Variants in GMDS observed in about 807,000 individuals in gnomAD.
GMDS encodes the protein GDP-mannose 4,6 dehydratase.
In GMDS, 20 loss-of-function variants were observed where a neutral mutation model predicts 49.9. The ratio of observed to expected loss-of-function variants is 0.40; its 90% CI spans 0.28 to 0.58. The LOEUF (loss-of-function observed/expected upper bound fraction) is 0.58, where lower values mean the gene tolerates loss of function less well. Ranked by LOEUF, GMDS falls within the 20% of genes least tolerant of loss-of-function variation. The pLI, the probability that GMDS is intolerant of heterozygous loss-of-function variation, is 0.42. For synonymous variants in GMDS, 177 were observed against 178.6 expected (o/e 0.99, Z 0.07); for missense variants, 362 against 481.4 (o/e 0.75, Z 2.32).
At chr6:2,119,647 T>TG (rs1287951896) in intron 2 of GMDS, among the ~76,000 whole-genome samples, 1 of 152,192 alleles carries the variant, frequency 6.6e-6, no homozygotes, top group African/African-American at 2.4e-5. Context: ...AGGTAGAGCT[T>TG]TTTGTTTGTT....
chr6:1,851,559 C>A (rs1193713418), intron 7 of GMDS, among the ~76,000 whole-genome samples: 1 of 152,048 alleles, frequency 6.6e-6, no homozygotes, highest in Admixed American at 6.5e-5. Flanking sequence ...AGACCCCATA[C>A]TGGACAGCAG....
intron 7 of GMDS, among the ~76,000 whole-genome samples, chr6:1,903,252 T>C (rs1021866585): frequency 6.6e-6 from 1 of 152,228 alleles, no homozygotes; most frequent in Non-Finnish European, 1.5e-5. Context: ...AGTCATATAA[T>C]ATGATCACGA....
intron 1 of GMDS, among the ~76,000 whole-genome samples, chr6:2,129,284 C>T (rs1340915190): frequency 6.6e-6 from 1 of 152,128 alleles, no homozygotes; most frequent in African/African-American, 2.4e-5. Context: ...CACCCCATCC[C>T]AACACCTATG....
At chr6:1,863,650 T>G (rs1224447534) in intron 7 of GMDS, among the ~76,000 whole-genome samples, 2 of 152,124 alleles carry the variant, frequency 1.3e-5, no homozygotes, top group African/African-American at 4.8e-5. Context: ...CAAATGAAAA[T>G]TCTTCTTTAA....
chr6:1,881,742 A>C (rs1759371756), intron 7 of GMDS, among the ~76,000 whole-genome samples: 1 of 152,220 alleles, frequency 6.6e-6, no homozygotes, highest in Non-Finnish European at 1.5e-5. Context: ...GTTGACTGGA[A>C]ATAACAAGAT....
intron 7 of GMDS, among the ~76,000 whole-genome samples, chr6:1,787,021 C>T (rs1769353423): frequency 6.6e-6 from 1 of 152,196 alleles, no homozygotes. Flanking sequence ...CCCGCAGCCA[C>T]TCATGACTCT....
chr6:1,923,198 C>G (rs1249626876), intron 7 of GMDS, among the ~76,000 whole-genome samples: 1 of 152,152 alleles, frequency 6.6e-6, no homozygotes, highest in Non-Finnish European at 1.5e-5. Context: ...TGAGAACGGA[C>G]TAATACATCC....
intron 9 of GMDS, among the ~76,000 whole-genome samples, chr6:1,690,466 A>T (rs995871036): frequency 6.6e-6 from 1 of 152,188 alleles, no homozygotes; most frequent in Admixed American, 6.5e-5. Flanking sequence ...ATACTTTATG[A>T]AATAGGGAAT....
At chr6:2,143,199 C>T (rs1335367571) in intron 1 of GMDS, among the ~76,000 whole-genome samples, 2 of 152,230 alleles carry the variant, frequency 1.3e-5, no homozygotes, top group Non-Finnish European at 2.9e-5. Flanking sequence ...AGCAGACACG[C>T]CAATGCCCTG....
chr6:1,831,998 T>G lies in GMDS; in HGVS notation c.772-89412A>C, dbSNP rs572352018. On this transcript the variant is annotated intron_variant, in intron 7 of 10. Coordinates refer to ENST00000380815, the MANE Select transcript of GMDS (RefSeq NM_001500.4). ...GTGGTTGATAACGTCTTCAGAAATT[T>G]AATAAATATATAAAAACTACCATCT... Among the ~76,000 whole-genome samples the G allele has an allele frequency of 9.9e-5, 15 of 152,216 alleles. No individual in the cohort carries two copies. In the South Asian group the frequency reaches 2.7e-3, roughly 27 times the overall value.
chr6:1,786,625 G>A (rs1769331489), intron 7 of GMDS, among the ~76,000 whole-genome samples: 1 of 152,192 alleles, frequency 6.6e-6, no homozygotes, highest in Admixed American at 6.5e-5. Context: ...CCTCCCTACA[G>A]ACTGAGCACA....
chr6:1,776,790 C>G (rs1768854159), intron 7 of GMDS, among the ~76,000 whole-genome samples: 1 of 152,172 alleles, frequency 6.6e-6, no homozygotes, highest in African/African-American at 2.4e-5. Flanking sequence ...TTTCAAAGCA[C>G]TGATTTTGCT....
At chr6:2,056,393 T>C (rs182061868) in intron 4 of GMDS, among the ~76,000 whole-genome samples, 3 of 152,348 alleles carry the variant, frequency 2.0e-5, no homozygotes, top group African/African-American at 7.2e-5. Context: ...ACCTCTGTTT[T>C]TCTTGAGTTC....
intron 9 of GMDS, among the ~76,000 whole-genome samples, chr6:1,655,159 A>G (rs1250415047): frequency 1.3e-5 from 2 of 152,052 alleles, no homozygotes; most frequent in East Asian, 3.9e-4. Flanking sequence ...CAAAAAGGAG[A>G]TTAAAAGTAT....
intron 1 of GMDS, among the ~76,000 whole-genome samples, chr6:2,169,700 T>A (rs1037892072): frequency 6.6e-6 from 1 of 152,050 alleles, no homozygotes; most frequent in Non-Finnish European, 1.5e-5. Flanking sequence ...AAGAATAACT[T>A]ATTTTTCCCT....
At chr6:1,821,222 G>C (rs1770873170) in intron 7 of GMDS, among the ~76,000 whole-genome samples, 2 of 152,158 alleles carry the variant, frequency 1.3e-5, no homozygotes, top group African/African-American at 4.8e-5. Flanking sequence ...GGCAAAAATG[G>C]AAAAACTCTC....
chr6:1,965,928 T>C (rs777493713), intron 4 of GMDS, among the ~76,000 whole-genome samples: 1 of 152,146 alleles, frequency 6.6e-6, no homozygotes, highest in African/African-American at 2.4e-5. Flanking sequence ...CACGAAAACA[T>C]GGAAGGTCCA....
chr6:1,691,152 A>C (rs1001071999), intron 9 of GMDS, among the ~76,000 whole-genome samples: 1 of 152,238 alleles, frequency 6.6e-6, no homozygotes, highest in African/African-American at 2.4e-5. Flanking sequence ...AATGTAGTAC[A>C]TATATACCAT....
At chr6:2,048,464 T>C (rs1361823526) in intron 4 of GMDS, among the ~76,000 whole-genome samples, 1 of 152,254 alleles carries the variant, frequency 6.6e-6, no homozygotes, top group Non-Finnish European at 1.5e-5. Context: ...ACTAACCACC[T>C]GAGCAGTTCT....
Sources: allele counts gnomAD v4.1 joint callset (sites outside exome capture counted in the v4.1 genomes callset), GRCh38; gene constraint gnomAD v4.1.1; transcripts MANE v1.5; gene names NCBI Gene and HGNC (gene_info 2026-07-23, HGNC 2026-07-21).